Variants in AVIL observed in about 807,000 individuals in gnomAD.
AVIL encodes advillin.
Under a neutral mutation model 109.9 loss-of-function variants are expected in AVIL, and 78 were observed. The observed-to-expected ratio is 0.71, with a 90% CI of 0.59 to 0.86. AVIL has a LOEUF of 0.86. Ranked by LOEUF, AVIL falls within the 40% of genes least tolerant of loss-of-function variation. The probability of loss-of-function intolerance (pLI) is 0.00; values close to 1 mark genes in which losing one functional copy is unlikely to be tolerated. For missense variants in AVIL, 892 were observed against 1,016.5 expected, an observed-to-expected ratio of 0.88 and a Z score of 1.67; for synonymous variants, 367 against 379.1, an observed-to-expected ratio of 0.97 and a Z score of 0.37.
intron 1 of AVIL, 106 bp from the exon 2 acceptor site, chr12:57,816,165 C>T (rs1361519209): frequency 1.1e-6 from 1 of 889,140 alleles, no homozygotes; most frequent in Non-Finnish European, 1.7e-6. Flanking sequence ...GCCATCCTGC[C>T]ACACCCTCAT....
At chr12:57,815,311 T>G (rs1338471315) in intron 2 of AVIL, among the ~76,000 whole-genome samples, 1 of 152,230 alleles carries the variant, frequency 6.6e-6, no homozygotes, top group Admixed American at 6.5e-5. Context: ...GACCTGGGAC[T>G]CACAATCTCT....
rs754440344 is a variant in AVIL at position 57,803,219 on chromosome 12, T to C, written c.1962+28A>G. ...ACCCTTACTGTGGGAGTCTTTCTCA[T>C]GTTCTGACTTCTGCAGCTGTGTCTT... On this transcript the variant is annotated intron_variant, in intron 16 of 19. Transcript: ENST00000549994. 4.3e-6 allele frequency: 7 copies of C among 1,613,454 alleles called. 1 individual carries two copies. The highest frequency in any genetic ancestry group is 4.5e-5 in the East Asian group (2 of 44,870).
chr12:57,807,663 C>A lies in AVIL; in HGVS notation c.1259G>T (p.Gly420Val), dbSNP rs1209027562. The change falls in exon 12 of 20, where the codon GGG becomes GTG. Residue 420 changes from glycine (G) to valine (V), a missense_variant. Gly to Val is a moderately radical substitution (Grantham distance 109, BLOSUM62 -3). Coordinates refer to ENST00000549994, the MANE Select transcript of AVIL (RefSeq NM_006576.4). The stretch of plus-strand genomic sequence containing the variant: ...GTAGAGGACCAGATAACAGTCTCCC[C>A]CATAAAAGAAGCCATACCATTGATA... ...VEYQWYGFFYGGDCYLVLYTY... is the reference protein window; with the variant it reads ...VEYQWYGFFYVGDCYLVLYTY... The A allele has an allele frequency of 1.9e-6, 3 of 1,614,042 alleles. No homozygotes were observed.
At chr12:57,815,678 T>C in intron 2 of AVIL, 1 of 1,361,898 alleles carries the variant, frequency 7.3e-7, no homozygotes, top group Non-Finnish European at 9.6e-7. Context: ...CCCACCTGTC[T>C]TTCCAGGGTG....
intron 1 of AVIL, chr12:57,816,590 A>C: frequency 6.6e-6 from 1 of 152,254 alleles, no homozygotes. Context: ...GTCAGAAAAA[A>C]TATTTCCAAA....
At chr12:57,817,627 T>C (rs1471939400) in intron 1 of AVIL, among the ~76,000 whole-genome samples, 1 of 152,062 alleles carries the variant, frequency 6.6e-6, no homozygotes, top group African/African-American at 2.4e-5. Context: ...ACTGAATTCA[T>C]TCCTTGGAGA....
intron 4 of AVIL, among the ~76,000 whole-genome samples, chr12:57,812,999 G>A (rs548667853): frequency 6.6e-6 from 1 of 152,266 alleles, no homozygotes; most frequent in South Asian, 2.1e-4. Context: ...AGGATGCTGC[G>A]CTAGTCCACA....
rs1170511537 is a variant in AVIL, at chr12:57,799,698, A to C, written c.2346+97T>G. On this transcript the variant is annotated intron_variant, in intron 19 of 19. Transcript: ENST00000549994. Reference sequence around the variant, plus strand: ...TAGCTCAGATGTCCATTGAGCGGCTACAATGTGCCGGAGCTGTCCTAGGCC... The same window carrying C: ...TAGCTCAGATGTCCATTGAGCGGCTCCAATGTGCCGGAGCTGTCCTAGGCC... 3.9e-6 allele frequency: 6 copies of C among 1,539,628 alleles called. No homozygotes were observed. In the African/African-American group the frequency reaches 8.2e-5, roughly 21 times the overall value.
chr12:57,802,827 T>G, intron 16 of AVIL: 1 of 565,924 alleles, frequency 1.8e-6, no homozygotes, highest in Non-Finnish European at 3.1e-6. Flanking sequence ...TTGTCAAATC[T>G]GTCACCATCC....
chr12:57,801,296 A>G, intron 17 of AVIL, 84 bp from the exon 18 acceptor site: 1 of 1,126,838 alleles, frequency 8.9e-7, no homozygotes, highest in South Asian at 1.4e-5. Context: ...TCTTCAGGAA[A>G]AGCAAAAGAG....
intron 11 of AVIL, 136 bp from the exon 12 acceptor site, chr12:57,807,863 G>T (rs774996422): frequency 7.9e-7 from 1 of 1,258,622 alleles, no homozygotes; most frequent in South Asian, 1.2e-5. Flanking sequence ...TTCTCTCCCA[G>T]TGCTGAGGAC....
chr12:57,812,139 C>A (rs761486249), intron 4 of AVIL, among the ~76,000 whole-genome samples: 1 of 152,148 alleles, frequency 6.6e-6, no homozygotes, highest in Non-Finnish European at 1.5e-5. Context: ...GGCTCAATAC[C>A]CTCAGCCCAT....
At chr12:57,805,555 T>TG (rs1337399794) in intron 14 of AVIL, among the ~76,000 whole-genome samples, 2 of 149,828 alleles carry the variant, frequency 1.3e-5, no homozygotes, top group Non-Finnish European at 3.0e-5. Flanking sequence ...TTTTTTGAGA[T>TG]GGAGTTTCAC....
At position 57,810,342 on chromosome 12, in the gene AVIL, T is replaced by C. The variant is rs747394388; in HGVS notation, c.761+7A>G. 1 of 1,614,070 alleles carries C rather than the reference T, an allele frequency of 6.2e-7. No homozygotes were observed. Among genetic ancestry groups the C allele is most frequent in the Non-Finnish European group, 8.5e-7 (1 of 1,179,936 alleles). The stretch of plus-strand genomic sequence containing the variant: ...GCTTCCAGCTAAAACCAGGTTGAGC[T>C]ACTCACTGATACAACATGATAGTTG... On this transcript the variant is annotated splice_region_variant and intron_variant, in intron 7 of 19. Coordinates refer to ENST00000549994, the MANE Select transcript of AVIL (RefSeq NM_006576.4).
At chr12:57,811,261 G>C in intron 4 of AVIL, 134 bp from the exon 5 acceptor site, 1 of 795,698 alleles carries the variant, frequency 1.3e-6, no homozygotes, top group Non-Finnish European at 2.0e-6. Flanking sequence ...GATGGTGGCA[G>C]CTGCTGCCCC....
Position 57,809,811 on chromosome 12 carries a change from C to G in AVIL, c.840+1G>C. ...GCTAAGTCCACCCAAACTCTACTTA[C>G]ATCATGGTTCAGTAAGTCCTGGACC... is the stretch of plus-strand genomic sequence containing the variant. On this transcript the variant is annotated splice_donor_variant, in intron 8 of 19. Coordinates refer to ENST00000549994, the MANE Select transcript of AVIL (RefSeq NM_006576.4). LOFTEE classifies it high-confidence loss of function. 1 of 1,614,216 alleles carries G rather than the reference C, an allele frequency of 6.2e-7. No homozygotes were observed.
intron 1 of AVIL, among the ~76,000 whole-genome samples, chr12:57,818,182 C>CCTTTTTTCTTTTTTTTTTTTTTTT (rs1956119834): frequency 2.8e-5 from 1 of 35,272 alleles, no homozygotes; most frequent in African/African-American, 9.2e-5. Context: ...CCATGCTTGG[C>CCTTTTTTCTTTTTTTTTTTTTTTT]TTTTTTTTTT....
rs770590152 is a variant in AVIL at position 57,814,141 on chromosome 12, A to G, written c.141+11T>C. On this transcript the variant is annotated intron_variant, in intron 3 of 19. Coordinates refer to ENST00000549994, the MANE Select transcript of AVIL (RefSeq NM_006576.4). The stretch of plus-strand genomic sequence containing the variant: ...GGAGAGGCTCACAGGAGTGGGGAGG[A>G]GGGTGCTCACCGAGAGGATGACGTA... 11 of 1,612,112 alleles carry G rather than the reference A, an allele frequency of 6.8e-6. No homozygotes were observed. The highest frequency in any genetic ancestry group is 9.3e-6 in the Non-Finnish European group (11 of 1,179,456).
At chr12:57,802,559 G>A (rs761089097) in intron 16 of AVIL, 23 of 738,756 alleles carry the variant, frequency 3.1e-5, no homozygotes, top group South Asian at 2.9e-4. Context: ...TTCCAGGTCT[G>A]CCTTTCCAAA....
Sources: allele counts gnomAD v4.1 joint callset (sites outside exome capture counted in the v4.1 genomes callset), GRCh38; gene constraint gnomAD v4.1.1; transcripts MANE v1.5; gene names NCBI Gene and HGNC (gene_info 2026-07-23, HGNC 2026-07-21).